PSMC3: variants seen among roughly 807,000 people sequenced by gnomAD.
The protein encoded by PSMC3 is 26S proteasome regulatory subunit 6A.
In PSMC3, 11 loss-of-function variants were observed where a neutral mutation model predicts 52.0. That is an observed-to-expected ratio of 0.21 (90% confidence interval 0.13 to 0.35). The LOEUF is 0.35. Ranked by LOEUF, PSMC3 falls within the 10% of genes least tolerant of loss-of-function variation. The pLI, the probability that PSMC3 is intolerant of heterozygous loss-of-function variation, is 1.00. For synonymous variants in PSMC3, 201 were observed against 218.8 expected, an observed-to-expected ratio of 0.92 and a Z score of 0.72; for missense variants, 238 against 567.1, an observed-to-expected ratio of 0.42 and a Z score of 5.89.
At position 47,420,419 on chromosome 11, in the gene PSMC3, A is replaced by G. The variant is rs1408538296; in HGVS notation, c.982-10T>C. 1 of 1,607,984 alleles carries G rather than the reference A, an allele frequency of 6.2e-7. No homozygotes were observed. The highest frequency in any genetic ancestry group is 1.7e-5 in the Admixed American group (1 of 59,630). ...TTGTGGCTGCAATTACCTGAGGAAG[A>G]GAAGCCACAACTTGAAAGGAGCAAG... On this transcript the variant is annotated splice_polypyrimidine_tract_variant and intron_variant, in intron 9 of 11. Coordinates refer to ENST00000298852, the MANE Select transcript of PSMC3 (RefSeq NM_002804.5).
Position 47,426,393 on chromosome 11 carries a change from G to C in PSMC3, c.-114C>G, listed in dbSNP as rs2096046583. 5.0e-6 allele frequency: 5 copies of C among 995,110 alleles called. No homozygotes were observed. Among genetic ancestry groups the C allele is most frequent in the Middle Eastern group, 3.1e-4 (1 of 3,202 alleles). The allele number at this position is 995,110 out of a possible 1,614,324, so 61.6% of individuals were successfully genotyped here. ...TGGAAAACCTCTCCCCACAAATCCC[G>C]ACTCTTGACCCGACCAGCTCCGGCC... On this transcript the variant is annotated 5_prime_UTR_variant, in exon 1 of 12. Transcript: ENST00000298852.
chr11:47,423,056 G>A lies in PSMC3; in HGVS notation c.592-83C>T, dbSNP rs976137060. ...CCCTTCATGGCTCCAACCCCAATCT[G>A]CATCCCTCCTACTCTAACTCAGGGA... On this transcript the variant is annotated intron_variant, in intron 6 of 11. Transcript: ENST00000298852. 1.1e-5 allele frequency: 15 copies of A among 1,363,002 alleles called. No individual in the cohort carries two copies. The African/African-American group carries it at 2.2e-4, about 20-fold the overall frequency. The allele number at this position is 1,363,002 out of a possible 1,614,324, so 84.4% of individuals were successfully genotyped here. A position where few individuals can be genotyped will look rare whatever the true frequency, so the allele number is the denominator to read the frequency against.
intron 2 of PSMC3, 130 bp downstream of exon 2, chr11:47,425,737 T>G: frequency 1.3e-6 from 1 of 760,486 alleles, no homozygotes; most frequent in Non-Finnish European, 2.2e-6. Flanking sequence ...CCTCTCTTCC[T>G]GATATGAGGG....
intron 2 of PSMC3, 139 bp from the exon 3 acceptor site, chr11:47,425,385 G>T: frequency 9.7e-7 from 1 of 1,029,212 alleles, no homozygotes; most frequent in Non-Finnish European, 1.4e-6. Flanking sequence ...TGAAGGCAGA[G>T]TCTGACTGTG....
chr11:47,423,737 C>T (rs1158856635), intron 6 of PSMC3, among the ~76,000 whole-genome samples: 2 of 151,900 alleles, frequency 1.3e-5, no homozygotes, highest in African/African-American at 2.4e-5. Flanking sequence ...TGCGGTGAGC[C>T]GAGATCGTGC....
intron 8 of PSMC3, 74 bp from the exon 9 acceptor site, chr11:47,420,801 A>T: frequency 7.3e-7 from 1 of 1,373,220 alleles, no homozygotes; most frequent in Middle Eastern, 1.8e-4. Context: ...TACCCCCTGG[A>T]AGCCTAACCT....
Position 47,424,646 on chromosome 11 carries a change from C to T in PSMC3, c.351G>A (p.Arg117=). 6.2e-7 allele frequency: 1 copy of T among 1,614,008 alleles called. No homozygotes were observed. The highest frequency in any genetic ancestry group is 1.1e-5 in the South Asian group (1 of 91,084). ...DGANIDLDSQ[R]KGKCAVIKTS... Reference sequence around the variant, plus strand: ...TTTTGATCACAGCACACTTGCCCTTCCTCTGGGAGTCCAGGTCAATATTGG... The same window carrying T: ...TTTTGATCACAGCACACTTGCCCTTTCTCTGGGAGTCCAGGTCAATATTGG... The change falls in exon 4 of 12, where the codon AGG becomes AGA. Residue 117 remains arginine, a synonymous_variant. Transcript: ENST00000298852. This position sits in a 1 kb window ranked among gnomAD's most constrained non-coding sequence, Gnocchi z 4.8.
At chr11:47,421,871 C>G (rs956547987) in intron 8 of PSMC3, among the ~76,000 whole-genome samples, 1 of 151,794 alleles carries the variant, frequency 6.6e-6, no homozygotes, top group African/African-American at 2.4e-5. Context: ...AGGCTGGTCT[C>G]GAATTCCTGA....
chr11:47,426,305 G>A lies in PSMC3; in HGVS notation c.-26C>T. ...TTCCTGGAGGAGCGGGCAGAAGATG[G>A]GACCAGGCGGGAGCCGCAACGGGAG... On this transcript the variant is annotated 5_prime_UTR_variant, in exon 1 of 12. Transcript: ENST00000298852. The A allele has an allele frequency of 6.5e-7, 1 of 1,535,362 alleles. No individual in the cohort carries two copies. Among genetic ancestry groups the A allele is most frequent in the South Asian group, 1.2e-5 (1 of 83,428 alleles).
intron 8 of PSMC3, among the ~76,000 whole-genome samples, chr11:47,421,809 C>A (rs752290073): frequency 6.6e-6 from 1 of 151,996 alleles, no homozygotes; most frequent in African/African-American, 2.4e-5. Flanking sequence ...CACACCACCA[C>A]ACCCGGCTAA....
chr11:47,426,070 C>G, intron 1 of PSMC3, 120 bp from the exon 2 acceptor site: 2 of 1,391,082 alleles, frequency 1.4e-6, no homozygotes, highest in Non-Finnish European at 2.0e-6. Flanking sequence ...GGAGTCAGGA[C>G]CCCTGCCCAC....
At chr11:47,425,789 G>A in intron 2 of PSMC3, 78 bp downstream of exon 2, 1 of 1,312,624 alleles carries the variant, frequency 7.6e-7, no homozygotes, top group African/African-American at 1.5e-5. Context: ...GCCCGATTAG[G>A]AAGTACGAGA....
intron 1 of PSMC3, 103 bp downstream of exon 1, chr11:47,426,102 G>T: frequency 1.4e-6 from 2 of 1,443,154 alleles, no homozygotes; most frequent in Non-Finnish European, 1.9e-6. Flanking sequence ...CCCCGTCCCC[G>T]GGATCGGGCC....
In PSMC3 at chr11:47,424,916, G is replaced by A. The variant is rs954388215; in HGVS notation, c.285+205C>T. 6.6e-6 allele frequency among the ~76,000 whole-genome samples: 1 copy of A among 152,142 alleles called. No individual in the cohort carries two copies. Among genetic ancestry groups the A allele is most frequent in the Non-Finnish European group, 1.5e-5 (1 of 68,012 alleles). ...TGCACAGGGCTCATCTACCCCGGAGGAGACATAACCAACAGAAAAGGAGAC... is the reference window on the plus strand; with the variant it reads ...TGCACAGGGCTCATCTACCCCGGAGAAGACATAACCAACAGAAAAGGAGAC... On this transcript the variant is annotated intron_variant, in intron 3 of 11. Coordinates refer to ENST00000298852, the MANE Select transcript of PSMC3 (RefSeq NM_002804.5). The surrounding 1 kb of genome is among the most constrained non-coding windows in gnomAD (Gnocchi z 4.8).
At chr11:47,425,421 G>A (rs1222683679) in intron 2 of PSMC3, 175 bp from the exon 3 acceptor site, 1 of 759,294 alleles carries the variant, frequency 1.3e-6, no homozygotes, top group African/African-American at 1.8e-5. Context: ...AGTCAAAAGA[G>A]GAGGCCAGTT....
intron 1 of PSMC3, 103 bp from the exon 2 acceptor site, chr11:47,426,053 C>T: frequency 7.1e-7 from 1 of 1,415,732 alleles, no homozygotes; most frequent in East Asian, 2.5e-5. Context: ...GCCCATAAAA[C>T]CAGGATGGAG....
At chr11:47,425,424 G>A in intron 2 of PSMC3, 178 bp from the exon 3 acceptor site, 1 of 727,656 alleles carries the variant, frequency 1.4e-6, no homozygotes, top group Non-Finnish European at 2.2e-6. Flanking sequence ...CAAAAGAGGA[G>A]GCCAGTTTGG....
chr11:47,426,167 GC>G lies in PSMC3; in HGVS notation c.75+37del, dbSNP rs1189738018. On this transcript the variant is annotated intron_variant, in intron 1 of 11. Transcript: ENST00000298852. The stretch of plus-strand genomic sequence containing the variant: ...TCTTGTCAATGGCGTCTCCCTGCGG[GC>G]CCCGGTTCCCGGACCGCCAGCTCGC... The G allele has an allele frequency of 5.2e-6, 8 of 1,541,472 alleles. No individual in the cohort carries two copies. In the East Asian group the frequency reaches 2.0e-4, roughly 38 times the overall value.
At chr11:47,421,249 CAAAAAAAAAAA>C (rs56344837) in intron 8 of PSMC3, among the ~76,000 whole-genome samples, 1 of 61,408 alleles carries the variant, frequency 1.6e-5, no homozygotes, top group Non-Finnish European at 2.7e-5. Flanking sequence ...GACTCCATCT[CAAAAAAAAAAA>C]AAAAAAAAAA....
Sources: gnomAD v4.1 joint callset for allele counts (sites outside exome capture counted in the v4.1 genomes callset) on GRCh38, gnomAD v4.1.1 for gene constraint, Gnocchi (gnomAD v3.1) non-coding constraint, MANE v1.5 for transcripts, NCBI Gene and HGNC (gene_info 2026-07-23, HGNC 2026-07-21) for gene names.